Variants in ERC2 observed in about 807,000 individuals in gnomAD.
ERC2 encodes ERC protein 2.
Under a neutral mutation model 114.8 loss-of-function variants are expected in ERC2, and 42 were observed. The ratio of observed to expected loss-of-function variants is 0.37; its 90% CI spans 0.29 to 0.47. The LOEUF is 0.47. ERC2 is among the 20% of genes least tolerant of loss of function. The pLI, the probability that ERC2 is intolerant of heterozygous loss-of-function variation, is 0.99. For missense variants in ERC2, 939 were observed against 1,150.7 expected, an observed-to-expected ratio of 0.82 and a Z score of 2.66; for synonymous variants, 454 against 425.5, an observed-to-expected ratio of 1.07 and a Z score of -0.82.
chr3:55,557,410 C>T (rs1391511329), intron 17 of ERC2, among the ~76,000 whole-genome samples: 1 of 152,230 alleles, frequency 6.6e-6, no homozygotes, highest in Non-Finnish European at 1.5e-5. Flanking sequence ...ATGTCTTTGT[C>T]TCTATACTGC....
At chr3:56,134,578 TG>T (rs909149316) in intron 6 of ERC2, among the ~76,000 whole-genome samples, 3 of 151,888 alleles carry the variant, frequency 2.0e-5, no homozygotes, top group Non-Finnish European at 4.4e-5. Flanking sequence ...TTTTTTTTGG[TG>T]GGGGGGTTTA....
chr3:55,671,696 A>G (rs941591335), intron 17 of ERC2, among the ~76,000 whole-genome samples: 1 of 152,188 alleles, frequency 6.6e-6, no homozygotes, highest in Admixed American at 6.5e-5. Flanking sequence ...TTTCAGGCCA[A>G]TTCATCATTT....
At chr3:56,195,556 G>A (rs2048051004) in intron 3 of ERC2, among the ~76,000 whole-genome samples, 1 of 151,708 alleles carries the variant, frequency 6.6e-6, no homozygotes, top group South Asian at 2.1e-4. Flanking sequence ...CTGGCCAGGT[G>A]CAGTGGCTCA....
chr3:56,173,592 C>T (rs1560305993), intron 3 of ERC2, 72 bp from the exon 4 acceptor site: 26 of 1,415,820 alleles, frequency 1.8e-5, no homozygotes, highest in Non-Finnish European at 2.3e-5. Flanking sequence ...TACACAGGTA[C>T]TACACAGCCT....
At chr3:56,041,113 G>GT (rs1323630867) in intron 7 of ERC2, among the ~76,000 whole-genome samples, 1 of 151,808 alleles carries the variant, frequency 6.6e-6, no homozygotes, top group African/African-American at 2.4e-5. Context: ...TGTATGACAG[G>GT]TTTCTTGGTA....
chr3:56,124,683 G>A (rs566117155), intron 6 of ERC2, among the ~76,000 whole-genome samples: 79 of 152,314 alleles, frequency 5.2e-4, no homozygotes, highest in African/African-American at 1.8e-3. Context: ...ACTCAATGTT[G>A]AGTACTGTGC....
intron 14 of ERC2, among the ~76,000 whole-genome samples, chr3:55,849,828 A>C (rs780557826): frequency 5.3e-5 from 8 of 152,204 alleles, no homozygotes; most frequent in Non-Finnish European, 1.0e-4. Context: ...GAGACAGCCA[A>C]GGAATTGATC....
At chr3:56,010,318 C>G in intron 9 of ERC2, 131 bp downstream of exon 9, 1 of 1,140,600 alleles carries the variant, frequency 8.8e-7, no homozygotes, top group Non-Finnish European at 1.2e-6. Context: ...GGCAGCTTTA[C>G]AAAAGAAAGG....
chr3:56,294,434 A>G (rs2055295231), intron 3 of ERC2, among the ~76,000 whole-genome samples: 1 of 152,158 alleles, frequency 6.6e-6, no homozygotes, highest in South Asian at 2.1e-4. Flanking sequence ...TTCCAAGCTC[A>G]CTAAATGGCT....
chr3:56,264,363 G>A lies in ERC2; in HGVS notation c.1074+31656C>T, dbSNP rs144634601. Among the ~76,000 whole-genome samples the A allele has an allele frequency of 7.4e-3, 1,122 of 152,200 alleles. 4 individuals carry two copies. Among genetic ancestry groups the A allele is most frequent in the Non-Finnish European group, 0.012 (787 of 68,010 alleles). On this transcript the variant is annotated intron_variant, in intron 3 of 17. Transcript: ENST00000288221. Reference sequence around the variant, plus strand: ...TGTAATCCCAGAACTTTAGGAGGCCGAGGCAGGCAGATCACTTGAAGTCAG... The same window carrying A: ...TGTAATCCCAGAACTTTAGGAGGCCAAGGCAGGCAGATCACTTGAAGTCAG...
chr3:55,899,512 TGAGA>T (rs370485052), intron 13 of ERC2, among the ~76,000 whole-genome samples: 24 of 152,008 alleles, frequency 1.6e-4, no homozygotes, highest in African/African-American at 4.6e-4. Context: ...TGTGTGTGTG[TGAGA>T]GAGAGAGTGT....
chr3:55,782,273 G>C (rs2069117696), intron 14 of ERC2, among the ~76,000 whole-genome samples: 2 of 152,076 alleles, frequency 1.3e-5, no homozygotes, highest in Admixed American at 6.5e-5. Context: ...GCATTTTCCT[G>C]GGTACTTTGG....
chr3:56,393,544 T>C (rs2060201524), intron 2 of ERC2, among the ~76,000 whole-genome samples: 1 of 152,216 alleles, frequency 6.6e-6, no homozygotes. Context: ...TTGTAATTCA[T>C]TGTTTGTGTA....
chr3:55,699,360 A>T lies in ERC2; in HGVS notation c.2847+18T>A, dbSNP rs538538534. 1 of 1,613,474 alleles carries T rather than the reference A, an allele frequency of 6.2e-7. No homozygotes were observed. Among genetic ancestry groups the T allele is most frequent in the East Asian group, 2.2e-5 (1 of 44,840 alleles). On this transcript the variant is annotated intron_variant, in intron 16 of 17. Transcript: ENST00000288221. ...AAGGGTAAAAGGGGTCTTGGAGGTA[A>T]GCAGCGATGAAACTGACCTGGTCCG...
At chr3:55,786,779 T>C (rs574887192) in intron 14 of ERC2, among the ~76,000 whole-genome samples, 4 of 152,234 alleles carry the variant, frequency 2.6e-5, no homozygotes, top group Non-Finnish European at 4.4e-5. Context: ...GTTTTGGCCA[T>C]GGCTGGAATG....
intron 17 of ERC2, among the ~76,000 whole-genome samples, chr3:55,621,666 C>G (rs2059335414): frequency 6.6e-6 from 1 of 152,126 alleles, no homozygotes; most frequent in Admixed American, 6.5e-5. Context: ...TCTGGAAGCA[C>G]TGAAAAGTGG....
intron 2 of ERC2, among the ~76,000 whole-genome samples, chr3:56,340,672 T>C (rs1285030261): frequency 6.6e-6 from 1 of 151,976 alleles, no homozygotes; most frequent in Non-Finnish European, 1.5e-5. Flanking sequence ...CGTCTGACAA[T>C]TGCCCACAAG....
chr3:56,104,791 G>C (rs2078557394), intron 6 of ERC2, among the ~76,000 whole-genome samples: 1 of 152,122 alleles, frequency 6.6e-6, no homozygotes, highest in Non-Finnish European at 1.5e-5. Flanking sequence ...GCACTGTTCT[G>C]GATGTTAGGA....
chr3:56,276,276 AT>A (rs915817738), intron 3 of ERC2, among the ~76,000 whole-genome samples: 3 of 152,148 alleles, frequency 2.0e-5, no homozygotes, highest in Non-Finnish European at 4.4e-5. Context: ...AAGGGATTAG[AT>A]TATTTTTAGA....
Sources: allele counts gnomAD v4.1 joint callset (sites outside exome capture counted in the v4.1 genomes callset), GRCh38; gene constraint gnomAD v4.1.1; transcripts MANE v1.5; gene names NCBI Gene and HGNC (gene_info 2026-07-23, HGNC 2026-07-21).